The following PHF10 variants were observed in gnomAD, a reference collection of about 807,000 sequenced individuals.
PHF10 encodes PHD finger protein 10, also known as BRG1-associated factor 45a.
Under a neutral mutation model 68.5 loss-of-function variants are expected in PHF10, and 51 were observed. The observed-to-expected ratio is 0.74, with a 90% CI of 0.59 to 0.94. The LOEUF is 0.94. PHF10 is among the 40% of genes least tolerant of loss of function. PHF10 has a pLI of 0.00. For missense variants in PHF10, 460 were observed against 602.6 expected (o/e 0.76, Z 2.48); for synonymous variants, 204 against 203.5 (o/e 1.00, Z -0.02).
At position 169,716,107 on chromosome 6, in the gene PHF10, T is replaced by C. The variant is rs757516229; in HGVS notation, c.410-19A>G. On this transcript the variant is annotated intron_variant, in intron 4 of 11. Coordinates refer to ENST00000339209, the MANE Select transcript of PHF10 (RefSeq NM_018288.4). ...GTTAAGCCTATTTTAGACCAAAAAA[T>C]AAAAAAATAAAGAAGCTCTTTTAAG... 8.0e-6 allele frequency: 12 copies of C among 1,508,732 alleles called. No homozygotes were observed. The highest frequency in any genetic ancestry group is 8.9e-6 in the Non-Finnish European group (10 of 1,122,458). The allele number at this position is 1,508,732 out of a possible 1,614,324, so 93.5% of individuals were successfully genotyped here. A position where few individuals can be genotyped will look rare whatever the true frequency, so the allele number is the denominator to read the frequency against.
At chr6:169,717,204 G>T (rs767854983) in intron 4 of PHF10, among the ~76,000 whole-genome samples, 2 of 152,062 alleles carry the variant, frequency 1.3e-5, no homozygotes, top group Non-Finnish European at 2.9e-5. Flanking sequence ...AGCTAAGATC[G>T]CGCCACTGCA....
chr6:169,719,634 T>A lies in PHF10; in HGVS notation c.195-716A>T, dbSNP rs556372315. Among the ~76,000 whole-genome samples the A allele has an allele frequency of 5.3e-5, 8 of 152,242 alleles. No individual in the cohort carries two copies. The South Asian group carries it at 1.7e-3, about 32-fold the overall frequency. ...AAAAATGGTGCTGGGAAACTGGGTATCCACATGCAAAAGTATAAAATTGGA... is the reference window on the plus strand; with the variant it reads ...AAAAATGGTGCTGGGAAACTGGGTAACCACATGCAAAAGTATAAAATTGGA... On this transcript the variant is annotated intron_variant, in intron 2 of 11. Transcript: ENST00000339209.
intron 8 of PHF10, among the ~76,000 whole-genome samples, chr6:169,711,130 G>A (rs754144899): frequency 6.6e-6 from 1 of 151,612 alleles, no homozygotes; most frequent in Non-Finnish European, 1.5e-5. Context: ...TTTTTTCTGG[G>A]TGTCCACTTA....
intron 1 of PHF10, among the ~76,000 whole-genome samples, chr6:169,722,960 G>A (rs1426211674): frequency 1.3e-5 from 2 of 152,164 alleles, no homozygotes; most frequent in African/African-American, 4.8e-5. Context: ...TACTTCCATT[G>A]ACGACAGCCT....
At chr6:169,711,844 G>A (rs1283808984) in intron 8 of PHF10, among the ~76,000 whole-genome samples, 1 of 152,030 alleles carries the variant, frequency 6.6e-6, no homozygotes, top group Non-Finnish European at 1.5e-5. Context: ...TCATCACTGG[G>A]ATCAAAGCCC....
At chr6:169,721,778 G>A (rs1789184474) in intron 1 of PHF10, among the ~76,000 whole-genome samples, 1 of 152,170 alleles carries the variant, frequency 6.6e-6, no homozygotes, top group Non-Finnish European at 1.5e-5. Context: ...AGTATCAGAT[G>A]TTAGGAAATT....
chr6:169,705,668 G>A lies in PHF10; in HGVS notation c.1170C>T (p.Asn390=). 1.3e-6 allele frequency: 2 copies of A among 1,594,068 alleles called. No individual in the cohort carries two copies. Among genetic ancestry groups the A allele is most frequent in the Non-Finnish European group, 1.7e-6 (2 of 1,161,820 alleles). ...CGICLKGKES[N]KKGKAESLIH... is the part of the protein sequence containing the mutation. The stretch of plus-strand genomic sequence containing the variant: ...TAAGTGATTCAGCCTTTCCTTTCTT[G>A]TTGGACTCCTTACCCTTCAGACAAA... The change falls in exon 10 of 12, where the codon AAC becomes AAT. Residue 390 remains asparagine, a synonymous_variant. Transcript: ENST00000339209.
chr6:169,707,996 T>C (rs1330944845), intron 9 of PHF10: 1 of 152,176 alleles, frequency 6.6e-6, no homozygotes, highest in Admixed American at 6.5e-5. Flanking sequence ...CTCAAGTGGA[T>C]TGCACAGTTG....
At chr6:169,712,116 G>A (rs977147259) in intron 8 of PHF10, among the ~76,000 whole-genome samples, 1 of 152,184 alleles carries the variant, frequency 6.6e-6, no homozygotes, top group African/African-American at 2.4e-5. Context: ...GAGACAGCAA[G>A]TTGAATAAAT....
At position 169,723,911 on chromosome 6, in the gene PHF10, G is replaced by C. The variant is rs1349084081; in HGVS notation, c.21C>G (p.Pro7=). The C allele has an allele frequency of 1.8e-5, 19 of 1,049,428 alleles. No homozygotes were observed. The highest frequency in any genetic ancestry group is 2.2e-5 in the Non-Finnish European group (19 of 867,936). 65.0% of individuals were successfully genotyped at this position (1,049,428 alleles called of 1,614,324 possible). The part of the protein sequence containing the change: MAAAAG[P]GAALSPRPCD... ...ACGGCCGCGGGGACAGCGCAGCCCC[G>C]GGCCCGGCCGCCGCCGCCATCAGCC... Residue 7 remains proline, a synonymous_variant, in exon 1 of 12, where the codon CCC becomes CCG. Coordinates refer to ENST00000339209, the MANE Select transcript of PHF10 (RefSeq NM_018288.4).
chr6:169,716,892 C>A (rs1393526629), intron 4 of PHF10, among the ~76,000 whole-genome samples: 1 of 152,010 alleles, frequency 6.6e-6, no homozygotes, highest in Non-Finnish European at 1.5e-5. Flanking sequence ...AAAGAACCTG[C>A]AACTTAAAAA....
intron 9 of PHF10, among the ~76,000 whole-genome samples, chr6:169,706,529 C>T (rs1224174971): frequency 6.6e-6 from 1 of 152,030 alleles, no homozygotes; most frequent in African/African-American, 2.4e-5. Context: ...TATTTGGTTA[C>T]ACATGGAAAT....
chr6:169,706,727 T>TACATACATAC (rs1490874788), intron 9 of PHF10, among the ~76,000 whole-genome samples: 5 of 127,466 alleles, frequency 3.9e-5, no homozygotes, highest in Admixed American at 1.6e-4. Context: ...CATACATACA[T>TACATACATAC]ACACACACAC....
intron 3 of PHF10, 42 bp from the exon 4 acceptor site, chr6:169,717,948 CT>C: frequency 1.1e-6 from 1 of 892,968 alleles, no homozygotes; most frequent in South Asian, 1.8e-5. Context: ...ACAGCAAAAC[CT>C]TATGCACTTG....
chr6:169,718,547 G>A (rs1189892361), intron 3 of PHF10, among the ~76,000 whole-genome samples: 3 of 152,286 alleles, frequency 2.0e-5, no homozygotes, highest in African/African-American at 7.2e-5. Flanking sequence ...GTGCACACCT[G>A]TAGTCCCAGA....
At chr6:169,705,828 G>T in intron 9 of PHF10, 104 bp from the exon 10 acceptor site, 1 of 699,150 alleles carries the variant, frequency 1.4e-6, no homozygotes, top group Admixed American at 2.2e-5. Flanking sequence ...TTGGTAACTT[G>T]CTAATGAGGA....
At chr6:169,716,258 T>G (rs1789044842) in intron 4 of PHF10, among the ~76,000 whole-genome samples, 170 bp from the exon 5 acceptor site, 1 of 152,176 alleles carries the variant, frequency 6.6e-6, no homozygotes, top group African/African-American at 2.4e-5. Flanking sequence ...ATATTCACAA[T>G]ATAAACTCGA....
chr6:169,711,860 C>A (rs139047219), intron 8 of PHF10, among the ~76,000 whole-genome samples: 1 of 152,212 alleles, frequency 6.6e-6, no homozygotes, highest in East Asian at 1.9e-4. Flanking sequence ...AGCCCCAAAC[C>A]ATCATTGGGA....
Position 169,705,282 on chromosome 6 carries a change from G to A in PHF10, c.1262C>T (p.Ser421Phe), listed in dbSNP as rs373802598. The change falls in exon 11 of 12, where the codon TCT becomes TTT. Residue 421 changes from serine to phenylalanine, a missense_variant. Coordinates refer to ENST00000339209, the MANE Select transcript of PHF10 (RefSeq NM_018288.4). ...SCLDMTMELV[S>F]MIKTYPWQCM... ...CTGCCATGGGTAGGTCTTAATCATA[G>A]AAACAAGCTCCATTGTCATATCCAG... is the stretch of plus-strand genomic sequence containing the variant. 1.1e-4 allele frequency: 176 copies of A among 1,613,046 alleles called. 1 individual carries two copies. Among genetic ancestry groups the A allele is most frequent in the Middle Eastern group, 6.6e-4 (4 of 6,080 alleles).
Sources: allele counts gnomAD v4.1 joint callset (sites outside exome capture counted in the v4.1 genomes callset), GRCh38; gene constraint gnomAD v4.1.1; transcripts MANE v1.5; gene names NCBI Gene and HGNC (gene_info 2026-07-23, HGNC 2026-07-21).